The following FILIP1 variants were observed in gnomAD, a reference collection of about 807,000 sequenced individuals.
FILIP1 encodes filamin A interacting protein 1.
FILIP1 carries 61 observed loss-of-function variants against 102.1 expected under a neutral mutation model. The ratio of observed to expected loss-of-function variants is 0.60; its 90% CI spans 0.49 to 0.74. The LOEUF (loss-of-function observed/expected upper bound fraction) is 0.74, where lower values mean the gene tolerates loss of function less well. Ranked by LOEUF, FILIP1 falls within the 30% of genes least tolerant of loss-of-function variation. The pLI is 0.00. For synonymous variants in FILIP1, 491 were observed against 526.9 expected, an observed-to-expected ratio of 0.93 and a Z score of 0.93; for missense variants, 1,314 against 1,441.2, an observed-to-expected ratio of 0.91 and a Z score of 1.43.
At chr6:75,370,991 C>T (rs192690234) in intron 2 of FILIP1, among the ~76,000 whole-genome samples, 157 of 152,100 alleles carry the variant, frequency 1.0e-3, no homozygotes, top group African/African-American at 3.5e-3. Flanking sequence ...AAATCTCATA[C>T]AAATTGAATT....
intron 2 of FILIP1, among the ~76,000 whole-genome samples, chr6:75,380,525 T>C (rs539962184): frequency 1.3e-5 from 2 of 152,164 alleles, no homozygotes; most frequent in Non-Finnish European, 2.9e-5. Flanking sequence ...CATAATTTTG[T>C]TGGGAAGACA....
chr6:75,424,323 T>C (rs1777566406), intron 1 of FILIP1, among the ~76,000 whole-genome samples: 2 of 152,198 alleles, frequency 1.3e-5, no homozygotes, highest in Admixed American at 1.3e-4. Context: ...TAATAAATGA[T>C]AAAGAATCCC....
intron 4 of FILIP1, among the ~76,000 whole-genome samples, chr6:75,324,789 T>C (rs1295693364): frequency 6.6e-6 from 1 of 152,154 alleles, no homozygotes; most frequent in East Asian, 1.9e-4. Context: ...AGCCAAGTAC[T>C]TACAGCCAAC....
At chr6:75,377,449 C>T (rs1188295775) in intron 2 of FILIP1, among the ~76,000 whole-genome samples, 1 of 152,138 alleles carries the variant, frequency 6.6e-6, no homozygotes, top group Non-Finnish European at 1.5e-5. Flanking sequence ...TGTACTGTTA[C>T]CTAAGTGCTG....
intron 2 of FILIP1, among the ~76,000 whole-genome samples, chr6:75,410,743 G>A (rs1289874047): frequency 6.6e-6 from 1 of 152,070 alleles, no homozygotes; most frequent in African/African-American, 2.4e-5. Flanking sequence ...CTTTTTTATG[G>A]CTGCATAGTA....
intron 1 of FILIP1, among the ~76,000 whole-genome samples, chr6:75,483,447 AG>A (rs2149781252): frequency 6.6e-6 from 1 of 152,324 alleles, no homozygotes; most frequent in East Asian, 1.9e-4. Context: ...GGATCCAAAC[AG>A]GACAGTAGAA....
chr6:75,318,835 G>A (rs895259038), intron 4 of FILIP1, among the ~76,000 whole-genome samples: 5 of 151,296 alleles, frequency 3.3e-5, no homozygotes, highest in Non-Finnish European at 7.4e-5. Flanking sequence ...ACTGGCTATT[G>A]AAAATACTAC....
intron 1 of FILIP1, among the ~76,000 whole-genome samples, chr6:75,486,331 T>C (rs555763488): frequency 1.8e-4 from 28 of 152,280 alleles, no homozygotes; most frequent in Non-Finnish European, 8.8e-5. Context: ...GAATCACTTC[T>C]GCATCTCAGT....
chr6:75,370,208 C>T (rs1313387299), intron 2 of FILIP1, among the ~76,000 whole-genome samples: 3 of 152,182 alleles, frequency 2.0e-5, no homozygotes, highest in Non-Finnish European at 2.9e-5. Context: ...TCTGTGATTG[C>T]TTTCCCATTC....
At chr6:75,432,843 C>T (rs535359399) in intron 1 of FILIP1, among the ~76,000 whole-genome samples, 2 of 152,138 alleles carry the variant, frequency 1.3e-5, no homozygotes, top group East Asian at 1.9e-4. Flanking sequence ...CCCCCCACTT[C>T]CCAACAGGCC....
rs1777212166 is a variant in FILIP1 at position 75,415,006 on chromosome 6, G to A, written c.-6-28C>T. On this transcript the variant is annotated intron_variant, in intron 1 of 5. Transcript: ENST00000237172. Reference sequence around the variant, plus strand: ...ACAACACATACATAAAAAAAGATAAGATGTTCTTTACCACCATCAAAATTA... The same window carrying A: ...ACAACACATACATAAAAAAAGATAAAATGTTCTTTACCACCATCAAAATTA... 3 of 1,588,046 alleles carry A rather than the reference G, an allele frequency of 1.9e-6. No individual in the cohort carries two copies. In the South Asian group the frequency reaches 3.5e-5, roughly 18 times the overall value.
At chr6:75,451,650 G>T (rs904703593) in intron 1 of FILIP1, among the ~76,000 whole-genome samples, 2 of 151,228 alleles carry the variant, frequency 1.3e-5, no homozygotes, top group African/African-American at 2.4e-5. Flanking sequence ...AGCCAATATG[G>T]TGAAATCCTG....
At position 75,317,674 on chromosome 6, in the gene FILIP1, G is replaced by A. The variant is rs368836941; in HGVS notation, c.630-2472C>T. Among the ~76,000 whole-genome samples, 17 of 152,238 alleles carry A rather than the reference G, an allele frequency of 1.1e-4. No homozygotes were observed. In the East Asian group the frequency reaches 2.3e-3, roughly 21 times the overall value. On this transcript the variant is annotated intron_variant, in intron 4 of 5. Coordinates refer to ENST00000237172, the MANE Select transcript of FILIP1 (RefSeq NM_015687.5). ...GCTTCCAGGAAACCACATTTTTCAC[G>A]TTCTCCTAGCTGTGATTATTTCTGT...
chr6:75,461,902 C>A (rs1779034098), intron 1 of FILIP1, among the ~76,000 whole-genome samples: 1 of 152,112 alleles, frequency 6.6e-6, no homozygotes, highest in Non-Finnish European at 1.5e-5. Flanking sequence ...GAAGTATTTT[C>A]TCAAAGGTGC....
chr6:75,398,866 C>T (rs1776554898), intron 2 of FILIP1: 2 of 151,880 alleles, frequency 1.3e-5, no homozygotes, highest in Non-Finnish European at 2.9e-5. Flanking sequence ...TTTAACCACT[C>T]AGACTGCATC....
chr6:75,428,833 G>A (rs1777721478), intron 1 of FILIP1, among the ~76,000 whole-genome samples: 1 of 152,128 alleles, frequency 6.6e-6, no homozygotes, highest in Non-Finnish European at 1.5e-5. Flanking sequence ...TGTGCTTAAT[G>A]AGACATTTTT....
intron 2 of FILIP1, among the ~76,000 whole-genome samples, chr6:75,410,297 G>A (rs544952426): frequency 6.6e-6 from 1 of 152,136 alleles, no homozygotes; most frequent in South Asian, 2.1e-4. Flanking sequence ...ATAAGGCATA[G>A]TCCTGCTTCT....
chr6:75,416,329 G>A (rs1475396810), intron 1 of FILIP1, among the ~76,000 whole-genome samples: 5 of 151,914 alleles, frequency 3.3e-5, no homozygotes, highest in South Asian at 2.1e-4. Flanking sequence ...GCAAATGGAC[G>A]CTTTTATGTG....
chr6:75,428,103 C>T (rs1777691547), intron 1 of FILIP1, among the ~76,000 whole-genome samples: 1 of 152,136 alleles, frequency 6.6e-6, no homozygotes, highest in Non-Finnish European at 1.5e-5. Flanking sequence ...ATATCTTTTT[C>T]CTCCTCTTCC....
Sources: allele counts gnomAD v4.1 joint callset (sites outside exome capture counted in the v4.1 genomes callset), GRCh38; gene constraint gnomAD v4.1.1; transcripts MANE v1.5; gene names NCBI Gene and HGNC (gene_info 2026-07-23, HGNC 2026-07-21).